The following IGSF22 variants were observed in gnomAD, a reference collection of about 807,000 sequenced individuals.
IGSF22 encodes immunoglobulin superfamily member 22.
In IGSF22, 119 loss-of-function variants were observed where a neutral mutation model predicts 127.0. The ratio of observed to expected loss-of-function variants is 0.94; its 90% CI spans 0.81 to 1.09. The LOEUF is 1.09. Among genes scored for constraint, IGSF22 ranks in the 50% least tolerant of loss-of-function variants. The probability of loss-of-function intolerance (pLI) is 0.00; values close to 1 mark genes in which losing one functional copy is unlikely to be tolerated. For missense variants in IGSF22, 1,518 were observed against 1,716.6 expected (o/e 0.88, Z 2.04); for synonymous variants, 568 against 664.7 (o/e 0.85, Z 2.24).
At chr11:18,706,608 C>T in intron 21 of IGSF22, 2 of 389,138 alleles carry the variant, frequency 5.1e-6, no homozygotes, top group Middle Eastern at 6.8e-4. Flanking sequence ...TAGAGCCCTC[C>T]CCTGTTCTCA....
chr11:18,706,938 T>C lies in IGSF22; in HGVS notation c.3556A>G (p.Thr1186Ala). 2 of 1,517,754 alleles carry C rather than the reference T, an allele frequency of 1.3e-6. No individual in the cohort carries two copies. The highest frequency in any genetic ancestry group is 1.8e-6 in the Non-Finnish European group (2 of 1,128,786). 94.0% of individuals were successfully genotyped at this position (1,517,754 alleles called of 1,614,324 possible). A position where few individuals can be genotyped will look rare whatever the true frequency, so the allele number is the denominator to read the frequency against. The change falls in exon 21 of 23, where the codon ACC becomes GCC. Residue 1186 changes from threonine (T) to alanine (A), a missense_variant. Around this residue, in one of 3 missense-constraint regions of IGSF22, gnomAD observed 1,456 missense variants for 1,644.9 expected, o/e 0.89. Coordinates refer to ENST00000513874, the MANE Select transcript of IGSF22 (RefSeq NM_173588.4). ...CTCTGGTCCTTATTGATGAGCCAGG[T>C]GTCCCTGGAGTCAAGTGGCTCACTG... ...GDSEPLDSRD[T>A]WLINKDQIQD...
chr11:18,706,996 G>A lies in IGSF22; in HGVS notation c.3498C>T (p.Tyr1166=). 2 of 1,550,894 alleles carry A rather than the reference G, an allele frequency of 1.3e-6. No individual in the cohort carries two copies. Among genetic ancestry groups the A allele is most frequent in the Non-Finnish European group, 1.7e-6 (2 of 1,146,560 alleles). The part of the protein sequence containing the change: ...VTGLLPGRKY[Y]FRVVARNEIG... ...TTTCATTCCGAGCCACCACTCTGAAGTAGTACTTCCTGCCTGGGAGCAGCC... is the reference window on the plus strand; with the variant it reads ...TTTCATTCCGAGCCACCACTCTGAAATAGTACTTCCTGCCTGGGAGCAGCC... The change falls in exon 21 of 23, where the codon TAC becomes TAT. Residue 1166 remains tyrosine, a synonymous_variant. Coordinates refer to ENST00000513874, the MANE Select transcript of IGSF22 (RefSeq NM_173588.4).
In IGSF22 at chr11:18,713,915, T is replaced by G; in HGVS notation, c.2032A>C (p.Ile678Leu). The G allele has an allele frequency of 6.2e-7, 1 of 1,614,240 alleles. No individual in the cohort carries two copies. The highest frequency in any genetic ancestry group is 8.5e-7 in the Non-Finnish European group (1 of 1,180,054). ...TGGTCATTCTTGAGCTTGAGCAGGA[T>G]GAGGCCGCTGTCTTCACGCACACAG... ...SNCVREDSGL[I>L]LLKLKNDHGS... is the part of the protein sequence containing the mutation. Residue 678 changes from isoleucine to leucine, a missense_variant, in exon 14 of 23, where the codon ATC becomes CTC. Physicochemically the swap from Ile to Leu is conservative, Grantham distance 5 (BLOSUM62 2). Transcript: ENST00000513874.
In IGSF22 at chr11:18,710,848, T is replaced by A; in HGVS notation, c.2399-20A>T. On this transcript the variant is annotated intron_variant, in intron 15 of 22. Transcript: ENST00000513874. ...GAGGCTCTGTGGGGGAAAGAGAGAG[T>A]GCAAAGGTTAGGAGGGGGAGCATGT... The A allele has an allele frequency of 6.2e-7, 1 of 1,602,140 alleles. No homozygotes were observed. Among genetic ancestry groups the A allele is most frequent in the Non-Finnish European group, 8.5e-7 (1 of 1,169,846 alleles).
At position 18,715,614 on chromosome 11, in the gene IGSF22, C is replaced by T. The variant is rs371686092; in HGVS notation, c.1349G>A (p.Arg450His). 526 of 1,614,086 alleles carry T rather than the reference C, an allele frequency of 3.3e-4. 11 individuals carry two copies. The South Asian group carries it at 4.6e-3, about 14-fold the overall frequency. ...CELTSKDVTL[R>H]WKKDGQLLMH... ...CAGCAGCTGCCCATCCTTCTTCCAG[C>T]GCAGTGTCACATCCTTGGATGTCAG... The change falls in exon 11 of 23, where the codon CGC becomes CAC. Residue 450 changes from arginine (R) to histidine (H), a missense_variant. Physicochemically the swap from Arg to His is conservative, Grantham distance 29 (BLOSUM62 0). Transcript: ENST00000513874.
At position 18,707,260 on chromosome 11, in the gene IGSF22, AT is replaced by A. The variant is rs1398514723; in HGVS notation, c.3281-48del. ...TCAGCGACCTTGGGGCACCTGAAGT[AT>A]TATGTCCCCACCCCAGCCATCTGCC... On this transcript the variant is annotated intron_variant, in intron 20 of 22. Transcript: ENST00000513874. 5.5e-6 allele frequency: 8 copies of A among 1,456,432 alleles called. No individual in the cohort carries two copies. In the East Asian group the frequency reaches 2.0e-4, roughly 37 times the overall value. 90.2% of individuals were successfully genotyped at this position (1,456,432 alleles called of 1,614,324 possible).
At chr11:18,725,263 G>C (rs894825208) in intron 1 of IGSF22, among the ~76,000 whole-genome samples, 1 of 152,052 alleles carries the variant, frequency 6.6e-6, no homozygotes, top group Non-Finnish European at 1.5e-5. Context: ...CAGCAGCTGG[G>C]TTTACAGGCA....
At position 18,719,876 on chromosome 11, in the gene IGSF22, T is replaced by C. The variant is rs201737490; in HGVS notation, c.536A>G (p.Lys179Arg). 18 of 1,614,164 alleles carry C rather than the reference T, an allele frequency of 1.1e-5. No individual in the cohort carries two copies. The highest frequency in any genetic ancestry group is 1.7e-5 in the Admixed American group (1 of 60,022). The change falls in exon 7 of 23, where the codon AAG becomes AGG. Residue 179 changes from lysine to arginine, a missense_variant. Lys to Arg is a conservative substitution (Grantham distance 26, BLOSUM62 2). Around this residue, in one of 3 missense-constraint regions of IGSF22, gnomAD observed 1,456 missense variants for 1,644.9 expected, o/e 0.89. Transcript: ENST00000513874. ...ATTTGCCACCTTCTTCTGCTTCTTCTTGGGAGCAGGGGGTGCCCTAGGAGA... is the reference window on the plus strand; with the variant it reads ...ATTTGCCACCTTCTTCTGCTTCTTCCTGGGAGCAGGGGGTGCCCTAGGAGA... ...MLKKRAPPAP[K>R]KKQKKVANEK...
At position 18,710,766 on chromosome 11, in the gene IGSF22, T is replaced by C. The variant is rs765655194; in HGVS notation, c.2461A>G (p.Thr821Ala). ...CCATCCTGGGTAGGGGCATTCCACGTGATGGTCACGGCTTCTTTAGTCACA... is the reference window on the plus strand; with the variant it reads ...CCATCCTGGGTAGGGGCATTCCACGCGATGGTCACGGCTTCTTTAGTCACA... ...TDVTKEAVTI[T>A]WNAPTQDGGA... Residue 821 changes from threonine (T) to alanine (A), a missense_variant, in exon 16 of 23, where the codon ACG becomes GCG. Thr to Ala is a moderately conservative substitution (Grantham distance 58). This residue lies in a region of IGSF22 where 1,456 missense variants were observed against 1,644.9 expected (regional missense o/e 0.89). Coordinates refer to ENST00000513874, the MANE Select transcript of IGSF22 (RefSeq NM_173588.4). 1 of 1,614,204 alleles carries C rather than the reference T, an allele frequency of 6.2e-7. No homozygotes were observed. The highest frequency in any genetic ancestry group is 1.1e-5 in the South Asian group (1 of 91,084).
chr11:18,713,326 T>A (rs1377556863), intron 14 of IGSF22, among the ~76,000 whole-genome samples: 2 of 152,140 alleles, frequency 1.3e-5, no homozygotes, highest in African/African-American at 4.8e-5. Context: ...CTAATTTTTG[T>A]ATTTTTAGTA....
Position 18,718,096 on chromosome 11 carries a change from G to T in IGSF22, c.811-3C>A, listed in dbSNP as rs1410196892. 1 of 1,613,200 alleles carries T rather than the reference G, an allele frequency of 6.2e-7. No individual in the cohort carries two copies. The highest frequency in any genetic ancestry group is 1.3e-5 in the African/African-American group (1 of 74,924). ...TGGATCCTCAGTGGCTCAGTACCCTGCCTCATGGAACAGGTAGGAAAGCTG... is the reference window on the plus strand; with the variant it reads ...TGGATCCTCAGTGGCTCAGTACCCTTCCTCATGGAACAGGTAGGAAAGCTG... On this transcript the variant is annotated splice_region_variant and splice_polypyrimidine_tract_variant and intron_variant, in intron 8 of 22. Coordinates refer to ENST00000513874, the MANE Select transcript of IGSF22 (RefSeq NM_173588.4).
At chr11:18,708,486 G>A (rs1248212505) in intron 18 of IGSF22, among the ~76,000 whole-genome samples, 191 bp from the exon 19 acceptor site, 2 of 152,184 alleles carry the variant, frequency 1.3e-5, no homozygotes, top group African/African-American at 4.8e-5. Flanking sequence ...CTACTAGTAC[G>A]CAAGACCCTG....
chr11:18,708,140 T>C lies in IGSF22; in HGVS notation c.3087+67A>G. 7.2e-6 allele frequency: 11 copies of C among 1,517,708 alleles called. No individual in the cohort carries two copies. In the South Asian group the frequency reaches 1.3e-4, roughly 19 times the overall value. 94.0% of individuals were successfully genotyped at this position (1,517,708 alleles called of 1,614,324 possible). On this transcript the variant is annotated intron_variant, in intron 19 of 22. Transcript: ENST00000513874. The stretch of plus-strand genomic sequence containing the variant: ...GAGTCAGAGTCAGAGTCAGAGACTG[T>C]GATGGCTACAATAGCCATCTTGGTT...
In IGSF22 at chr11:18,707,090, C is replaced by T. The variant is rs1057009437; in HGVS notation, c.3404G>A (p.Arg1135Gln). The change falls in exon 21 of 23, where the codon CGG becomes CAG. Residue 1135 changes from arginine (R) to glutamine (Q), a missense_variant. Physicochemically the swap from Arg to Gln is conservative, Grantham distance 43. Transcript: ENST00000513874. ...DGEAHYIIMK[R>Q]DASTATWYTA... Reference sequence around the variant, plus strand: ...GTACCAGGTGGCTGTGCTTGCATCCCGCTTCATGATGATGTAGTGAGCCTC... The same window carrying T: ...GTACCAGGTGGCTGTGCTTGCATCCTGCTTCATGATGATGTAGTGAGCCTC... 2.3e-5 allele frequency: 35 copies of T among 1,551,606 alleles called. 1 individual carries two copies. The highest frequency in any genetic ancestry group is 1.7e-4 in the Middle Eastern group (1 of 6,014).
At chr11:18,710,205 G>T in intron 17 of IGSF22, 122 bp downstream of exon 17, 1 of 1,270,812 alleles carries the variant, frequency 7.9e-7, no homozygotes, top group Non-Finnish European at 1.1e-6. Flanking sequence ...TATGAGGCTG[G>T]CAGTTTCCAG....
Position 18,722,037 on chromosome 11 carries a change from C to T in IGSF22, c.114G>A (p.Glu38=), listed in dbSNP as rs767565187. 1 of 1,613,958 alleles carries T rather than the reference C, an allele frequency of 6.2e-7. No individual in the cohort carries two copies. The highest frequency in any genetic ancestry group is 1.1e-5 in the South Asian group (1 of 91,078). The change falls in exon 3 of 23, where the codon GAG becomes GAA. Residue 38 remains glutamate (E), a synonymous_variant. Transcript: ENST00000513874. ...TGCTCGAGGACTTCCTCCTCACGAC[C>T]TCCTCTGTGGGGGCAGGCGAGAGGT... ...FSQTTKIVGE[E]VVRRKSSSIV... is the part of the protein sequence containing the mutation.
At chr11:18,724,315 G>T in intron 1 of IGSF22, 46 bp from the exon 2 acceptor site, 1 of 979,132 alleles carries the variant, frequency 1.0e-6, no homozygotes, top group Non-Finnish European at 1.6e-6. Context: ...GGGAGTAGGA[G>T]GGAGATTCAG....
chr11:18,708,976 C>T (rs1848299501), intron 18 of IGSF22, among the ~76,000 whole-genome samples: 1 of 152,192 alleles, frequency 6.6e-6, no homozygotes, highest in Non-Finnish European at 1.5e-5. Flanking sequence ...TCTCCCTCCA[C>T]CCCACAAGTC....
chr11:18,718,115 A>C (rs1848496773), intron 8 of IGSF22, 22 bp from the exon 9 acceptor site: 1 of 1,609,922 alleles, frequency 6.2e-7, no homozygotes, highest in African/African-American at 1.3e-5. Flanking sequence ...AACAGGTAGG[A>C]AAGCTGATGA....
Sources: gnomAD v4.1 joint callset for allele counts (sites outside exome capture counted in the v4.1 genomes callset) on GRCh38, gnomAD v4.1.1 for gene constraint, gnomAD v4.1.1 regional missense constraint, MANE v1.5 for transcripts, NCBI Gene and HGNC (gene_info 2026-07-23, HGNC 2026-07-21) for gene names.